The following LRRTM4 variants were observed in gnomAD, a reference collection of about 807,000 sequenced individuals.
LRRTM4 encodes leucine rich repeat transmembrane neuronal 4.
In LRRTM4, 25 loss-of-function variants were observed where a neutral mutation model predicts 47.6. The ratio of observed to expected loss-of-function variants is 0.53; its 90% CI spans 0.38 to 0.73. The LOEUF is 0.73. Ranked by LOEUF, LRRTM4 falls within the 30% of genes least tolerant of loss-of-function variation. LRRTM4 has a pLI of 0.00. For missense variants in LRRTM4, 638 were observed against 713.4 expected, an observed-to-expected ratio of 0.89 and a Z score of 1.20; for synonymous variants, 311 against 269.5, an observed-to-expected ratio of 1.15 and a Z score of -1.51.
intron 3 of LRRTM4, among the ~76,000 whole-genome samples, chr2:77,097,533 TAGAA>T (rs745467543): frequency 1.1e-4 from 17 of 151,814 alleles, no homozygotes; most frequent in South Asian, 8.3e-4. Flanking sequence ...ATATAATAAA[TAGAA>T]AGAAATAACA....
intron 3 of LRRTM4, among the ~76,000 whole-genome samples, chr2:77,386,751 C>T (rs1673293597): frequency 1.3e-5 from 2 of 152,024 alleles, no homozygotes; most frequent in East Asian, 1.9e-4. Flanking sequence ...AACACATGGA[C>T]ACAGGGAGGG....
chr2:77,158,383 A>G (rs1248040437), intron 3 of LRRTM4, among the ~76,000 whole-genome samples: 2 of 152,178 alleles, frequency 1.3e-5, no homozygotes, highest in Non-Finnish European at 2.9e-5. Flanking sequence ...TTAGATGCAT[A>G]TTTGTTTGAA....
chr2:76,919,966 A>G (rs1674382783), intron 3 of LRRTM4, among the ~76,000 whole-genome samples: 1 of 150,494 alleles, frequency 6.6e-6, no homozygotes, highest in Non-Finnish European at 1.5e-5. Context: ...TCTTTTACTC[A>G]TTTTTTTTTG....
At chr2:76,854,786 T>A (rs767525505) in intron 3 of LRRTM4, among the ~76,000 whole-genome samples, 1 of 150,924 alleles carries the variant, frequency 6.6e-6, no homozygotes, top group Non-Finnish European at 1.5e-5. Flanking sequence ...GGATACATCA[T>A]TGAATGAAGT....
chr2:77,400,964 A>G (rs771154921), intron 3 of LRRTM4, among the ~76,000 whole-genome samples: 19 of 152,102 alleles, frequency 1.2e-4, no homozygotes, highest in African/African-American at 3.1e-4. Context: ...TTCAGCGTCT[A>G]TAAGTAAAAT....
intron 3 of LRRTM4, among the ~76,000 whole-genome samples, chr2:77,031,832 G>C (rs956540792): frequency 2.0e-5 from 3 of 152,070 alleles, no homozygotes; most frequent in Admixed American, 2.0e-4. Context: ...TAAATTTAGA[G>C]ATATGACTGT....
chr2:76,905,837 G>C (rs1387223401), intron 3 of LRRTM4, among the ~76,000 whole-genome samples: 2 of 152,164 alleles, frequency 1.3e-5, no homozygotes, highest in Admixed American at 6.5e-5. Context: ...CAAGAAATAT[G>C]GGACTTTGTG....
intron 3 of LRRTM4, among the ~76,000 whole-genome samples, chr2:76,974,336 C>T (rs1676345525): frequency 6.7e-6 from 1 of 149,102 alleles, no homozygotes. Context: ...CCTATTTTGG[C>T]TTTATCACTC....
At chr2:77,300,240 C>A (rs1677097558) in intron 3 of LRRTM4, among the ~76,000 whole-genome samples, 1 of 152,138 alleles carries the variant, frequency 6.6e-6, no homozygotes, top group African/African-American at 2.4e-5. Context: ...TATTTTATAT[C>A]TAATTTGCAG....
At chr2:76,821,622 G>T (rs776058916) in intron 3 of LRRTM4, among the ~76,000 whole-genome samples, 3 of 151,684 alleles carry the variant, frequency 2.0e-5, no homozygotes, top group Non-Finnish European at 3.0e-5. Context: ...TATCAACACT[G>T]CTGGCAATGC....
intron 3 of LRRTM4, among the ~76,000 whole-genome samples, chr2:77,271,340 A>G (rs1676185380): frequency 6.6e-6 from 1 of 152,162 alleles, no homozygotes; most frequent in South Asian, 2.1e-4. Context: ...GGACTGCAGA[A>G]GGTGGAACTA....
At chr2:77,182,575 G>C (rs1258659310) in intron 3 of LRRTM4, among the ~76,000 whole-genome samples, 1 of 151,986 alleles carries the variant, frequency 6.6e-6, no homozygotes, top group African/African-American at 2.4e-5. Flanking sequence ...ATAGCTTAAG[G>C]AGATTTTGGG....
Position 76,854,983 on chromosome 2 carries a change from G to T in LRRTM4, c.1552-106067C>A, listed in dbSNP as rs1465973337. Among the ~76,000 whole-genome samples, 8 of 151,982 alleles carry T rather than the reference G, an allele frequency of 5.3e-5. No individual in the cohort carries two copies. The East Asian group carries it at 1.5e-3, about 29-fold the overall frequency. On this transcript the variant is annotated intron_variant, in intron 3 of 3. Coordinates refer to ENST00000409884, the MANE Select transcript of LRRTM4 (RefSeq NM_001134745.3). ...GATAATAAGAATCTAGTGGCCAGAA[G>T]AGGCAAATTGTAGTAATAAATAAGA...
intron 3 of LRRTM4, among the ~76,000 whole-genome samples, chr2:77,047,987 T>C (rs1679289413): frequency 6.6e-6 from 1 of 152,084 alleles, no homozygotes; most frequent in Non-Finnish European, 1.5e-5. Flanking sequence ...TTTGTGTTTT[T>C]GTTAAATAAG....
At chr2:77,026,475 C>A (rs1210926564) in intron 3 of LRRTM4, among the ~76,000 whole-genome samples, 2 of 152,028 alleles carry the variant, frequency 1.3e-5, no homozygotes, top group Non-Finnish European at 2.9e-5. Flanking sequence ...ACAAAAAAAT[C>A]TAAATTATCA....
intron 3 of LRRTM4, among the ~76,000 whole-genome samples, chr2:77,328,844 G>A (rs1303798988): frequency 2.0e-5 from 3 of 152,134 alleles, no homozygotes; most frequent in Non-Finnish European, 1.5e-5. Context: ...CTGATATCTC[G>A]AAAGGCATTG....
intron 3 of LRRTM4, among the ~76,000 whole-genome samples, chr2:77,508,481 A>T (rs1199986895): frequency 1.3e-5 from 2 of 152,158 alleles, no homozygotes; most frequent in Non-Finnish European, 2.9e-5. Context: ...AAATCCCCTC[A>T]TTGGAATAAT....
intron 3 of LRRTM4, among the ~76,000 whole-genome samples, chr2:77,511,372 C>T (rs1028824161): frequency 2.0e-5 from 3 of 151,760 alleles, no homozygotes; most frequent in South Asian, 4.2e-4. Flanking sequence ...AGTGTTTAAT[C>T]GTATATAGCT....
chr2:77,078,772 T>C (rs567572026), intron 3 of LRRTM4, among the ~76,000 whole-genome samples: 33 of 152,294 alleles, frequency 2.2e-4, no homozygotes, highest in Admixed American at 1.8e-3. Context: ...GGGAGATACA[T>C]TGAAATACCA....
Sources: allele counts gnomAD v4.1 joint callset (sites outside exome capture counted in the v4.1 genomes callset), GRCh38; gene constraint gnomAD v4.1.1; transcripts MANE v1.5; gene names NCBI Gene and HGNC (gene_info 2026-07-23, HGNC 2026-07-21).